LMNTD1: variants seen among roughly 807,000 people sequenced by gnomAD.
LMNTD1 encodes the protein lamin tail domain-containing protein 1.
Under a neutral mutation model 50.9 loss-of-function variants are expected in LMNTD1, and 35 were observed. That is an observed-to-expected ratio of 0.69 (90% CI 0.53 to 0.91). The LOEUF (loss-of-function observed/expected upper bound fraction) is 0.91, where lower values mean the gene tolerates loss of function less well. Among genes scored for constraint, LMNTD1 ranks in the 40% least tolerant of loss-of-function variants. The pLI, the probability that LMNTD1 is intolerant of heterozygous loss-of-function variation, is 0.00. For synonymous variants in LMNTD1, 153 were observed against 161.9 expected (o/e 0.94, Z 0.42); for missense variants, 470 against 475.5 (o/e 0.99, Z 0.11).
intron 4 of LMNTD1, among the ~76,000 whole-genome samples, chr12:25,529,709 T>C (rs1310395133): frequency 6.6e-6 from 1 of 152,098 alleles, no homozygotes. Context: ...CTAAACATTC[T>C]CCACTTTGCT....
intron 1 of LMNTD1, among the ~76,000 whole-genome samples, chr12:25,643,642 C>A (rs1946996838): frequency 1.3e-5 from 2 of 152,132 alleles, no homozygotes; most frequent in South Asian, 4.1e-4. Flanking sequence ...CATGATGGGG[C>A]CATGACTAAT....
intron 9 of LMNTD1, among the ~76,000 whole-genome samples, chr12:25,484,919 GT>G (rs1308995736): frequency 9.3e-5 from 14 of 149,852 alleles, no homozygotes; most frequent in Admixed American, 2.0e-4. Flanking sequence ...GGACATTTGG[GT>G]TGGTTCCAAG....
intron 8 of LMNTD1, 107 bp downstream of exon 8, chr12:25,518,688 G>T: frequency 1.1e-6 from 1 of 943,566 alleles, no homozygotes; most frequent in Non-Finnish European, 1.6e-6. Flanking sequence ...TTGAGAATAT[G>T]AATCATCTTT....
intron 1 of LMNTD1, among the ~76,000 whole-genome samples, chr12:25,618,742 C>T (rs1161264417): frequency 3.3e-5 from 5 of 152,170 alleles, no homozygotes; most frequent in Non-Finnish European, 5.9e-5. Context: ...TAATAATTGA[C>T]TTCAAGACCA....
intron 1 of LMNTD1, among the ~76,000 whole-genome samples, chr12:25,605,700 AT>A: frequency 2.0e-5 from 3 of 152,090 alleles, no homozygotes. Context: ...CCATTGGTCT[AT>A]ATCTCTGTTT....
chr12:25,593,402 C>T (rs1945758766), intron 1 of LMNTD1, among the ~76,000 whole-genome samples: 1 of 152,168 alleles, frequency 6.6e-6, no homozygotes, highest in Non-Finnish European at 1.5e-5. Context: ...GCAGACAACC[C>T]CCAGTACCAG....
At chr12:25,543,520 C>A (rs1387160448) in intron 4 of LMNTD1, among the ~76,000 whole-genome samples, 1 of 151,706 alleles carries the variant, frequency 6.6e-6, no homozygotes, top group Non-Finnish European at 1.5e-5. Flanking sequence ...TGATACAATC[C>A]AACACCATGG....
chr12:25,571,141 G>T (rs1944772573), intron 1 of LMNTD1, among the ~76,000 whole-genome samples: 1 of 152,056 alleles, frequency 6.6e-6, no homozygotes, highest in Admixed American at 6.6e-5. Context: ...CTAGTTCTGA[G>T]TAGACCAGTT....
At chr12:25,568,496 A>G (rs145147080) in intron 1 of LMNTD1, among the ~76,000 whole-genome samples, 159 of 152,362 alleles carry the variant, frequency 1.0e-3, no homozygotes, top group Non-Finnish European at 2.0e-3. Flanking sequence ...AGAGATTTGT[A>G]TGACTGACAG....
At chr12:25,500,930 C>T (rs1904389) in intron 9 of LMNTD1, among the ~76,000 whole-genome samples, 149,195 of 152,234 alleles carry the variant, frequency 0.98, 73,177 homozygotes, top group East Asian at 1. Flanking sequence ...AGTTGTTGCA[C>T]AGAAATGTAA....
Position 25,519,975 on chromosome 12 carries a change from C to T in LMNTD1, c.899G>A (p.Arg300Gln), listed in dbSNP as rs745756779. ...TGCTGTCCACTGAAACACACGCTTT[C>T]GGAATGTTGGAGATACTACTGAACA... ...NRCSVVSPTF[R>Q]KRVFQWTAST... is the part of the protein sequence containing the mutation. The change falls in exon 7 of 10, where the codon CGA (arginine) becomes CAA (glutamine). Residue 300 changes from arginine to glutamine, a missense_variant. Transcript: ENST00000458174. The T allele has an allele frequency of 3.1e-6, 5 of 1,613,364 alleles. No individual in the cohort carries two copies. The highest frequency in any genetic ancestry group is 4.2e-6 in the Non-Finnish European group (5 of 1,179,708).
At chr12:25,635,695 A>G (rs1220926179) in intron 1 of LMNTD1, among the ~76,000 whole-genome samples, 1 of 152,238 alleles carries the variant, frequency 6.6e-6, no homozygotes, top group Non-Finnish European at 1.5e-5. Flanking sequence ...CTAAGCAAAA[A>G]GAACAAATCT....
chr12:25,601,355 C>G (rs985164666), intron 1 of LMNTD1, among the ~76,000 whole-genome samples: 1 of 150,306 alleles, frequency 6.7e-6, no homozygotes, highest in Non-Finnish European at 1.5e-5. Flanking sequence ...AATGGGTGAA[C>G]AAAAAAATAG....
chr12:25,560,238 T>C (rs1270882911), intron 1 of LMNTD1, among the ~76,000 whole-genome samples: 2 of 152,208 alleles, frequency 1.3e-5, no homozygotes, highest in Non-Finnish European at 2.9e-5. Flanking sequence ...AAGGAAGGGA[T>C]CCAGTTTCAG....
chr12:25,632,026 G>T (rs528117088), intron 1 of LMNTD1, among the ~76,000 whole-genome samples: 73 of 152,246 alleles, frequency 4.8e-4, no homozygotes, highest in African/African-American at 1.8e-3. Flanking sequence ...CTCAGCAATA[G>T]AATTGAACAA....
At chr12:25,516,940 A>C (rs1486749373) in intron 8 of LMNTD1, among the ~76,000 whole-genome samples, 2 of 151,476 alleles carry the variant, frequency 1.3e-5, no homozygotes, top group East Asian at 3.9e-4. Context: ...TTATGCAGCC[A>C]AAAAACACAT....
At chr12:25,574,100 G>C (rs1158341271) in intron 1 of LMNTD1, among the ~76,000 whole-genome samples, 3 of 152,036 alleles carry the variant, frequency 2.0e-5, no homozygotes, top group Non-Finnish European at 4.4e-5. Flanking sequence ...GTGTTTACTA[G>C]TTCTTCTCCT....
chr12:25,544,740 G>A (rs1162056443), intron 4 of LMNTD1, among the ~76,000 whole-genome samples: 1 of 151,320 alleles, frequency 6.6e-6, no homozygotes, highest in African/African-American at 2.4e-5. Flanking sequence ...GTGGTTACAT[G>A]AGGCTTACAA....
At chr12:25,494,217 A>G (rs1938986037) in intron 9 of LMNTD1, among the ~76,000 whole-genome samples, 1 of 152,240 alleles carries the variant, frequency 6.6e-6, no homozygotes, top group African/African-American at 2.4e-5. Context: ...AAGGTAGAGA[A>G]GAGTTTTATT....
Sources: gnomAD v4.1 joint callset for allele counts (sites outside exome capture counted in the v4.1 genomes callset) on GRCh38, gnomAD v4.1.1 for gene constraint, MANE v1.5 for transcripts, NCBI Gene and HGNC (gene_info 2026-07-23, HGNC 2026-07-21) for gene names.